PADI2: variants seen among roughly 807,000 people sequenced by gnomAD.
The protein encoded by PADI2 is peptidyl arginine deiminase 2, also known as protein-arginine deiminase type-2.
A neutral mutation model predicts 81.1 loss-of-function variants in PADI2; 70 were observed. The observed-to-expected ratio is 0.86, with a 90% CI of 0.71 to 1.05. The LOEUF (loss-of-function observed/expected upper bound fraction) is 1.05, where lower values mean the gene tolerates loss of function less well. Ranked by LOEUF, PADI2 falls within the 50% of genes least tolerant of loss-of-function variation. PADI2 has a pLI of 0.00. For missense variants in PADI2, 853 were observed against 889.9 expected (o/e 0.96, Z 0.53); for synonymous variants, 338 against 358.0 (o/e 0.94, Z 0.63).
chr1:17,074,497 G>T (rs567973073), intron 13 of PADI2, among the ~76,000 whole-genome samples: 2 of 152,146 alleles, frequency 1.3e-5, no homozygotes, highest in Non-Finnish European at 2.9e-5. Flanking sequence ...AGCCTCCAAA[G>T]GTGTTGGAAT....
At position 17,075,801 on chromosome 1, in the gene PADI2, T is replaced by C. The variant is rs1209346397; in HGVS notation, c.1333A>G (p.Lys445Glu). 1 of 1,613,678 alleles carries C rather than the reference T, an allele frequency of 6.2e-7. No homozygotes were observed. Among genetic ancestry groups the C allele is most frequent in the Non-Finnish European group, 8.5e-7 (1 of 1,179,830 alleles). The change falls in exon 12 of 16, where the codon AAG becomes GAG. Residue 445 changes from lysine to glutamate, a missense_variant. Transcript: ENST00000375486. Reference sequence around the variant, plus strand: ...GCCTTCAGGAAGTCACGCACCACCTTGGTCATCCTCCGACCACCAGACCTG... The same window carrying C: ...GCCTTCAGGAAGTCACGCACCACCTCGGTCATCCTCCGACCACCAGACCTG... ...FPLSGGRRMT[K>E]VVRDFLKAQQ...
At chr1:17,114,974 C>T (rs1931707835) in intron 1 of PADI2, among the ~76,000 whole-genome samples, 1 of 152,110 alleles carries the variant, frequency 6.6e-6, no homozygotes, top group African/African-American at 2.4e-5. Context: ...GGAGGGGAGC[C>T]CATAGCACCC....
At chr1:17,085,359 G>A (rs183504623) in intron 7 of PADI2, among the ~76,000 whole-genome samples, 129 of 152,292 alleles carry the variant, frequency 8.5e-4, no homozygotes, top group Admixed American at 8.2e-3. Context: ...TGGTGGGACT[G>A]TTGCACGGCT....
rs779760086 is a variant in PADI2 at position 17,092,409 on chromosome 1, C to T, written c.654G>A (p.Glu218=). The T allele has an allele frequency of 8.1e-6, 13 of 1,602,738 alleles. No homozygotes were observed. In the Admixed American group the frequency reaches 2.2e-4, roughly 27 times the overall value. ...DSDKVGVFYV[E]NPFFGQRYIH... Reference sequence around the variant, plus strand: ...CTGGACTGGGCTGGGATCACTCACTCTCCACGTAGAACACGCCCACTTTGT... The same window carrying T: ...CTGGACTGGGCTGGGATCACTCACTTTCCACGTAGAACACGCCCACTTTGT... Residue 218 remains glutamate (E), a splice_region_variant and synonymous_variant, in exon 6 of 16, where the codon GAG becomes GAA. Coordinates refer to ENST00000375486, the MANE Select transcript of PADI2 (RefSeq NM_007365.3).
chr1:17,103,450 A>C (rs1205332580), intron 2 of PADI2, among the ~76,000 whole-genome samples: 2 of 152,182 alleles, frequency 1.3e-5, no homozygotes, highest in Non-Finnish European at 2.9e-5. Flanking sequence ...GGTAAAGTTC[A>C]TAATTACGGA....
At chr1:17,086,888 G>A (rs764129788) in intron 6 of PADI2, among the ~76,000 whole-genome samples, 189 bp from the exon 7 acceptor site, 1 of 152,228 alleles carries the variant, frequency 6.6e-6, no homozygotes, top group Non-Finnish European at 1.5e-5. Flanking sequence ...CTGTGTGCTG[G>A]CTGTGTGGCG....
intron 1 of PADI2, among the ~76,000 whole-genome samples, chr1:17,110,257 G>A (rs1931529888): frequency 6.6e-6 from 1 of 151,890 alleles, no homozygotes; most frequent in South Asian, 2.1e-4. Flanking sequence ...GGAAAGGGAG[G>A]GGGCTTGGGG....
At chr1:17,099,840 A>C (rs1367246037) in intron 3 of PADI2, among the ~76,000 whole-genome samples, 1 of 152,198 alleles carries the variant, frequency 6.6e-6, no homozygotes, top group Admixed American at 6.5e-5. Flanking sequence ...CATTTTATAG[A>C]TGAGGAAGCC....
At chr1:17,076,672 G>C (rs577000666) in intron 11 of PADI2, among the ~76,000 whole-genome samples, 1 of 151,952 alleles carries the variant, frequency 6.6e-6, no homozygotes, top group East Asian at 1.9e-4. Context: ...TCCCTCCCTG[G>C]TTCAAGCGAT....
intron 3 of PADI2, among the ~76,000 whole-genome samples, chr1:17,102,655 C>T (rs1349811363): frequency 6.6e-6 from 1 of 151,956 alleles, no homozygotes; most frequent in Non-Finnish European, 1.5e-5. Context: ...ATGAGAGGGA[C>T]ACTCTTCTCC....
At chr1:17,083,407 C>T (rs575690151) in intron 9 of PADI2, 1 of 281,560 alleles carries the variant, frequency 3.6e-6, no homozygotes, top group Non-Finnish European at 6.7e-6. Flanking sequence ...TGAGTAACAA[C>T]TTAACTTGAA....
chr1:17,072,157 C>T (rs185174812), intron 13 of PADI2, among the ~76,000 whole-genome samples: 561 of 152,322 alleles, frequency 3.7e-3, no homozygotes, highest in Admixed American at 6.2e-3. Flanking sequence ...ATCTAGCAAG[C>T]GGCAGAGTTG....
In PADI2 at chr1:17,069,013, G is replaced by A. The variant is rs112232456; in HGVS notation, c.*31C>T. 163 of 1,517,020 alleles carry A rather than the reference G, an allele frequency of 1.1e-4. No homozygotes were observed. In the African/African-American group the frequency reaches 1.8e-3, roughly 17 times the overall value. 94.0% of individuals were successfully genotyped at this position (1,517,020 alleles called of 1,614,324 possible). On this transcript the variant is annotated 3_prime_UTR_variant, in exon 16 of 16. Coordinates refer to ENST00000375486, the MANE Select transcript of PADI2 (RefSeq NM_007365.3). ...TGAGGGAGGGTCTGGAGAACTAAGC[G>A]AAGGAGGCAAACGCCAGGGCCCCTG...
At chr1:17,096,191 C>G (rs1570994920) in intron 3 of PADI2, among the ~76,000 whole-genome samples, 1 of 152,224 alleles carries the variant, frequency 6.6e-6, no homozygotes, top group Non-Finnish European at 1.5e-5. Context: ...CTTACGGCTG[C>G]AAGAGCTGCC....
intron 3 of PADI2, among the ~76,000 whole-genome samples, chr1:17,097,963 G>A (rs527661046): frequency 7.9e-4 from 121 of 152,220 alleles, no homozygotes; most frequent in Non-Finnish European, 1.3e-3. Flanking sequence ...TCTCCCCTGC[G>A]GGCATCCTGC....
chr1:17,104,832 T>C (rs1931302237), intron 2 of PADI2, 46 bp downstream of exon 2: 1 of 1,492,642 alleles, frequency 6.7e-7, no homozygotes, highest in Non-Finnish European at 9.0e-7. Context: ...GCCTCTATCC[T>C]GGCATGGTCC....
chr1:17,107,949 CTTTTTTT>C (rs565293543), intron 1 of PADI2, among the ~76,000 whole-genome samples: 1 of 140,168 alleles, frequency 7.1e-6, no homozygotes. Context: ...GCATCCATCA[CTTTTTTT>C]TTTTTTTTTT....
intron 3 of PADI2, among the ~76,000 whole-genome samples, chr1:17,099,537 G>C (rs1203102905): frequency 6.6e-6 from 1 of 152,184 alleles, no homozygotes; most frequent in Admixed American, 6.5e-5. Context: ...GAGTCCTAGT[G>C]GGGGTGGTTA....
intron 14 of PADI2, 151 bp from the exon 15 acceptor site, chr1:17,070,367 C>T: frequency 1.1e-6 from 1 of 876,258 alleles, no homozygotes; most frequent in Non-Finnish European, 1.8e-6. Flanking sequence ...CAGCCTCTCC[C>T]TGGCCCTGTC....
Sources: gnomAD v4.1 joint callset for allele counts (sites outside exome capture counted in the v4.1 genomes callset) on GRCh38, gnomAD v4.1.1 for gene constraint, MANE v1.5 for transcripts, NCBI Gene and HGNC (gene_info 2026-07-23, HGNC 2026-07-21) for gene names.